The following ARHGEF28 variants were observed in gnomAD, a reference collection of about 807,000 sequenced individuals.
ARHGEF28 encodes Rho guanine nucleotide exchange factor 28.
ARHGEF28 carries 152 observed loss-of-function variants against 206.6 expected under a neutral mutation model. The observed-to-expected ratio is 0.74, with a 90% confidence interval of 0.64 to 0.84. The LOEUF (loss-of-function observed/expected upper bound fraction) is 0.84, where lower values mean the gene tolerates loss of function less well. ARHGEF28 is among the 40% of genes least tolerant of loss of function. The probability of loss-of-function intolerance (pLI) is 0.00; values close to 1 mark genes in which losing one functional copy is unlikely to be tolerated. For missense variants in ARHGEF28, 2,028 were observed against 2,073.2 expected, an observed-to-expected ratio of 0.98 and a Z score of 0.42; for synonymous variants, 763 against 776.4, an observed-to-expected ratio of 0.98 and a Z score of 0.29.
At chr5:73,821,043 T>A (rs1171204904) in intron 9 of ARHGEF28, among the ~76,000 whole-genome samples, 1 of 152,124 alleles carries the variant, frequency 6.6e-6, no homozygotes, top group Non-Finnish European at 1.5e-5. Context: ...CTCATCTACC[T>A]GGTCAGTGTC....
intron 35 of ARHGEF28, among the ~76,000 whole-genome samples, chr5:73,932,693 CTAATTCAT>C (rs1280676566): frequency 6.7e-6 from 1 of 150,152 alleles, no homozygotes; most frequent in African/African-American, 2.4e-5. Context: ...TAAGTATTCA[CTAATTCAT>C]TTATTCATTT....
intron 10 of ARHGEF28, among the ~76,000 whole-genome samples, chr5:73,832,754 T>C (rs998450630): frequency 6.6e-6 from 1 of 152,088 alleles, no homozygotes; most frequent in Non-Finnish European, 1.5e-5. Flanking sequence ...AAATGACAAC[T>C]GTGCAACCAA....
intron 1 of ARHGEF28, among the ~76,000 whole-genome samples, chr5:73,650,416 C>T (rs1474153177): frequency 6.6e-6 from 1 of 151,070 alleles, no homozygotes; most frequent in East Asian, 1.9e-4. Flanking sequence ...TCCTGAGTAG[C>T]TGGGACTACA....
chr5:73,701,218 A>G (rs961382213), intron 2 of ARHGEF28, among the ~76,000 whole-genome samples: 24 of 152,314 alleles, frequency 1.6e-4, no homozygotes, highest in Admixed American at 1.4e-3. Context: ...TTGAAGTGGG[A>G]ACACCTTATA....
In ARHGEF28 at chr5:73,794,859, G is replaced by A. The variant is rs1257405813; in HGVS notation, c.963+405G>A. 3.9e-5 allele frequency among the ~76,000 whole-genome samples: 6 copies of A among 152,160 alleles called. No homozygotes were observed. In the South Asian group the frequency reaches 6.2e-4, roughly 16 times the overall value. ...TGACCTCAGGTGATCTGCCCGCCTC[G>A]GTCTCCCCAAGTGCTGGGATTACAG... On this transcript the variant is annotated intron_variant, in intron 8 of 35. Coordinates refer to ENST00000513042, the MANE Select transcript of ARHGEF28 (RefSeq NM_001177693.2).
At chr5:73,877,828 A>T (rs1162876514) in intron 22 of ARHGEF28, among the ~76,000 whole-genome samples, 8 of 151,904 alleles carry the variant, frequency 5.3e-5, no homozygotes, top group South Asian at 4.2e-4. Flanking sequence ...TTCTGAGGAG[A>T]GCTTTACTTC....
chr5:73,930,297 T>C (rs112979487), intron 35 of ARHGEF28, among the ~76,000 whole-genome samples: 19 of 152,344 alleles, frequency 1.2e-4, no homozygotes, highest in African/African-American at 4.6e-4. Flanking sequence ...GCCCATATGC[T>C]GGGCATGAAA....
intron 2 of ARHGEF28, among the ~76,000 whole-genome samples, chr5:73,749,402 C>T (rs1428828530): frequency 5.3e-5 from 8 of 152,188 alleles, no homozygotes; most frequent in Non-Finnish European, 1.5e-5. Flanking sequence ...TGTGGTGGCA[C>T]ATCCTTGTAG....
chr5:73,903,815 A>C (rs140350266), intron 31 of ARHGEF28: 2 of 183,054 alleles, frequency 1.1e-5, no homozygotes, highest in East Asian at 3.1e-4. Flanking sequence ...TTCTTTCTTT[A>C]ACTTTCAATC....
chr5:73,742,043 G>C (rs1268100739), intron 2 of ARHGEF28, among the ~76,000 whole-genome samples: 1 of 152,026 alleles, frequency 6.6e-6, no homozygotes, highest in Non-Finnish European at 1.5e-5. Context: ...TTCTTCAACT[G>C]ACTCTTTTTA....
intron 7 of ARHGEF28, among the ~76,000 whole-genome samples, chr5:73,789,196 G>A (rs546216563): frequency 6.6e-6 from 1 of 152,274 alleles, no homozygotes; most frequent in South Asian, 2.1e-4. Flanking sequence ...TCTATCTAAT[G>A]GAATACTATT....
At position 73,733,168 on chromosome 5, in the gene ARHGEF28, T is replaced by G. The variant is rs72770845; in HGVS notation, c.34-16669T>G. Among the ~76,000 whole-genome samples, 9 of 152,022 alleles carry G rather than the reference T, an allele frequency of 5.9e-5. No individual in the cohort carries two copies. In the East Asian group the frequency reaches 1.5e-3, roughly 26 times the overall value. ...CTCACCCTTTCCCAAGTCCCCAAAG[T>G]CCATTGTATCATTTTTATGCTTTTG... On this transcript the variant is annotated intron_variant, in intron 2 of 35. Transcript: ENST00000513042.
At chr5:73,802,602 T>C (rs1230243758) in intron 9 of ARHGEF28, among the ~76,000 whole-genome samples, 1 of 152,084 alleles carries the variant, frequency 6.6e-6, no homozygotes, top group Non-Finnish European at 1.5e-5. Context: ...GATATTTCAA[T>C]AAAATGATTA....
intron 1 of ARHGEF28, among the ~76,000 whole-genome samples, chr5:73,628,419 G>T (rs975020548): frequency 6.6e-6 from 1 of 152,192 alleles, no homozygotes; most frequent in South Asian, 2.1e-4. Context: ...TGTTGGAAAA[G>T]CCTCACCACT....
intron 9 of ARHGEF28, among the ~76,000 whole-genome samples, chr5:73,806,271 A>G (rs1433947392): frequency 7.4e-6 from 1 of 135,522 alleles, no homozygotes; most frequent in African/African-American, 2.8e-5. Flanking sequence ...GTATATATAG[A>G]TATATATACA....
At chr5:73,778,405 C>T (rs763952351) in intron 6 of ARHGEF28, 1 of 152,176 alleles carries the variant, frequency 6.6e-6, no homozygotes, top group Non-Finnish European at 1.5e-5. Context: ...ATGAGTAAAT[C>T]TAGATACCTC....
chr5:73,901,550 GC>G (rs1282864930), intron 31 of ARHGEF28: 1 of 210,048 alleles, frequency 4.8e-6, no homozygotes, highest in African/African-American at 2.3e-5. Flanking sequence ...GTGTGTCTGT[GC>G]TCTCTGACTT....
intron 10 of ARHGEF28, among the ~76,000 whole-genome samples, chr5:73,839,198 T>G (rs1426781543): frequency 3.9e-5 from 6 of 152,208 alleles, no homozygotes; most frequent in Non-Finnish European, 1.5e-5. Flanking sequence ...GGTGATTTTA[T>G]TAATATCTTT....
chr5:73,795,075 T>G (rs934408865), intron 8 of ARHGEF28, among the ~76,000 whole-genome samples: 5 of 152,222 alleles, frequency 3.3e-5, no homozygotes, highest in Non-Finnish European at 5.9e-5. Context: ...CAAGAGTAAA[T>G]GTGGGAGATG....
Sources: allele counts gnomAD v4.1 joint callset (sites outside exome capture counted in the v4.1 genomes callset), GRCh38; gene constraint gnomAD v4.1.1; transcripts MANE v1.5; gene names NCBI Gene and HGNC (gene_info 2026-07-23, HGNC 2026-07-21).